Variants in HS3ST4 observed in about 807,000 individuals in gnomAD.
HS3ST4 encodes heparan sulfate glucosamine 3-O-sulfotransferase 4.
A neutral mutation model predicts 29.2 loss-of-function variants in HS3ST4; 17 were observed. The ratio of observed to expected loss-of-function variants is 0.58; its 90% CI spans 0.40 to 0.87. HS3ST4 has a LOEUF of 0.87. Among genes scored for constraint, HS3ST4 ranks in the 40% least tolerant of loss-of-function variants. The pLI is 0.00. For synonymous variants in HS3ST4, 314 were observed against 285.7 expected (o/e 1.10, Z -1.00); for missense variants, 627 against 634.5 (o/e 0.99, Z 0.13).
chr16:25,802,223 A>G (rs1423315571), intron 1 of HS3ST4, among the ~76,000 whole-genome samples: 4 of 152,122 alleles, frequency 2.6e-5, no homozygotes, highest in African/African-American at 9.7e-5. Context: ...AACTCTGTAA[A>G]CAGAATTTTA....
intron 1 of HS3ST4, among the ~76,000 whole-genome samples, chr16:25,819,160 A>C (rs1046917518): frequency 6.6e-5 from 10 of 152,184 alleles, no homozygotes; most frequent in African/African-American, 2.2e-4. Context: ...GGGTGGATCC[A>C]TTGCTGGGGG....
intron 1 of HS3ST4, among the ~76,000 whole-genome samples, chr16:25,780,257 A>G (rs2141614972): frequency 6.6e-6 from 1 of 152,192 alleles, no homozygotes; most frequent in African/African-American, 2.4e-5. Context: ...CGACCTTTCC[A>G]TATGGCCAAG....
intron 1 of HS3ST4, among the ~76,000 whole-genome samples, chr16:25,771,063 G>C (rs980267173): frequency 7.9e-5 from 12 of 151,952 alleles, no homozygotes; most frequent in African/African-American, 2.4e-4. Flanking sequence ...ATGGTGGTTT[G>C]CTGCACCTAT....
At chr16:25,728,377 C>T (rs891129795) in intron 1 of HS3ST4, among the ~76,000 whole-genome samples, 1 of 152,092 alleles carries the variant, frequency 6.6e-6, no homozygotes, top group African/African-American at 2.4e-5. Flanking sequence ...GTCTGTGTGA[C>T]CTTGGGCCAG....
At chr16:26,054,718 G>C (rs1480011618) in intron 1 of HS3ST4, among the ~76,000 whole-genome samples, 8 of 152,130 alleles carry the variant, frequency 5.3e-5, no homozygotes, top group African/African-American at 1.9e-4. Context: ...CTGAGCTGAG[G>C]ACTGGGATTG....
chr16:26,056,826 T>A (rs1898413759), intron 1 of HS3ST4, among the ~76,000 whole-genome samples: 1 of 152,256 alleles, frequency 6.6e-6, no homozygotes. Flanking sequence ...CATTCTCTGT[T>A]ATGTAAATAT....
chr16:25,765,577 T>C (rs1966812744), intron 1 of HS3ST4, among the ~76,000 whole-genome samples: 1 of 152,114 alleles, frequency 6.6e-6, no homozygotes, highest in South Asian at 2.1e-4. Context: ...CTGGGGCACA[T>C]CCTCAGCTAA....
intron 1 of HS3ST4, among the ~76,000 whole-genome samples, chr16:26,011,947 GT>G (rs1969315110): frequency 6.6e-6 from 1 of 152,294 alleles, no homozygotes; most frequent in Middle Eastern, 3.4e-3. Context: ...TGAAAGCCAG[GT>G]TAGGGCCAAA....
intron 1 of HS3ST4, among the ~76,000 whole-genome samples, chr16:26,008,216 CTT>C (rs1321387612): frequency 3.9e-5 from 6 of 152,138 alleles, no homozygotes; most frequent in African/African-American, 1.4e-4. Context: ...AGAATGAAAA[CTT>C]TGAGAAGAAA....
intron 1 of HS3ST4, among the ~76,000 whole-genome samples, chr16:26,084,612 A>T (rs76479732): frequency 0.035 from 5,185 of 148,580 alleles, 270 homozygotes; most frequent in African/African-American, 0.11. Flanking sequence ...GTTGAAAAAA[A>T]TTTTTTTTTT....
In HS3ST4 at chr16:25,802,925, ATATGTGTGTGTGTGTGTGTGTG is replaced by A. The variant is rs1312787431; in HGVS notation, c.734+109776_734+109797del. Among the ~76,000 whole-genome samples the A allele has an allele frequency of 4.6e-5, 6 of 131,448 alleles. 1 individual carries two copies. In the South Asian group the frequency reaches 8.3e-4, roughly 18 times the overall value. 86.2% of individuals were successfully genotyped at this position (131,448 alleles called of 152,430 possible). On this transcript the variant is annotated intron_variant, in intron 1 of 1. Coordinates refer to ENST00000331351, the MANE Select transcript of HS3ST4 (RefSeq NM_006040.3). ...AGGAAGGTAGTAGCTTTTAAGTTAT[ATATGTGTGTGTGTGTGTGTGTG>A]TGTGTGTGTGTGTGTGTATATATTT...
At chr16:26,055,385 A>G (rs148454434) in intron 1 of HS3ST4, among the ~76,000 whole-genome samples, 1 of 152,282 alleles carries the variant, frequency 6.6e-6, no homozygotes, top group African/African-American at 2.4e-5. Context: ...AACTCAAGCA[A>G]TGATGATAAT....
At chr16:25,780,279 A>T (rs1483251267) in intron 1 of HS3ST4, among the ~76,000 whole-genome samples, 2 of 152,256 alleles carry the variant, frequency 1.3e-5, no homozygotes, top group Middle Eastern at 6.8e-3. Context: ...TATAATAATA[A>T]TGGTCCCATT....
chr16:25,951,821 G>C (rs760422164), intron 1 of HS3ST4, among the ~76,000 whole-genome samples: 2 of 152,048 alleles, frequency 1.3e-5, no homozygotes, highest in Non-Finnish European at 2.9e-5. Flanking sequence ...GCAAACTATA[G>C]CCTGTGAGTC....
At chr16:25,781,835 G>T (rs905272945) in intron 1 of HS3ST4, among the ~76,000 whole-genome samples, 2 of 152,178 alleles carry the variant, frequency 1.3e-5, no homozygotes, top group East Asian at 1.9e-4. Context: ...TCGGGTGGTT[G>T]TGTGGGGCTG....
At chr16:25,723,534 C>T (rs1003960666) in intron 1 of HS3ST4, among the ~76,000 whole-genome samples, 1 of 152,132 alleles carries the variant, frequency 6.6e-6, no homozygotes, top group African/African-American at 2.4e-5. Context: ...CAAATTTGAC[C>T]AGTATACCCT....
chr16:25,764,916 C>T (rs768595279), intron 1 of HS3ST4, among the ~76,000 whole-genome samples: 9 of 152,188 alleles, frequency 5.9e-5, no homozygotes, highest in East Asian at 3.8e-4. Flanking sequence ...TAAGAGTAAC[C>T]GGCAAGAGGC....
chr16:26,049,817 GC>G (rs1396858645), intron 1 of HS3ST4, among the ~76,000 whole-genome samples: 1 of 152,172 alleles, frequency 6.6e-6, no homozygotes, highest in African/African-American at 2.4e-5. Context: ...TGCAGAAGCA[GC>G]TCATAGAGCT....
chr16:25,909,744 C>G (rs143890586), intron 1 of HS3ST4, among the ~76,000 whole-genome samples: 38 of 152,300 alleles, frequency 2.5e-4, no homozygotes, highest in Non-Finnish European at 4.6e-4. Flanking sequence ...TCTCTTTGAA[C>G]AAGTGTGCAA....
Sources: allele counts gnomAD v4.1 joint callset (sites outside exome capture counted in the v4.1 genomes callset), GRCh38; gene constraint gnomAD v4.1.1; transcripts MANE v1.5; gene names NCBI Gene and HGNC (gene_info 2026-07-23, HGNC 2026-07-21).